TBC1D10A: variants seen among roughly 807,000 people sequenced by gnomAD.
TBC1D10A encodes EBP50-PDX interactor of 64 kDa.
Under a neutral mutation model 52.9 loss-of-function variants are expected in TBC1D10A, and 24 were observed. The observed-to-expected ratio is 0.45, with a 90% CI of 0.33 to 0.64. The LOEUF (loss-of-function observed/expected upper bound fraction) is 0.64, where lower values mean the gene tolerates loss of function less well. Among genes scored for constraint, TBC1D10A ranks in the 30% least tolerant of loss-of-function variants. The pLI is 0.02. For synonymous variants in TBC1D10A, 278 were observed against 282.9 expected (o/e 0.98, Z 0.17); for missense variants, 602 against 687.9 (o/e 0.88, Z 1.40).
chr22:30,301,661 A>G (rs1930203824), intron 2 of TBC1D10A, among the ~76,000 whole-genome samples: 1 of 152,184 alleles, frequency 6.6e-6, no homozygotes, highest in Non-Finnish European at 1.5e-5. Context: ...GGAAGCTCTC[A>G]GAGGAGGGAG....
chr22:30,316,210 G>A (rs1242282585), intron 1 of TBC1D10A, among the ~76,000 whole-genome samples: 1 of 152,236 alleles, frequency 6.6e-6, no homozygotes, highest in Non-Finnish European at 1.5e-5. Context: ...GTCCAGCCTG[G>A]TATGGTAGTT....
intron 1 of TBC1D10A, among the ~76,000 whole-genome samples, chr22:30,307,105 G>A (rs1374724826): frequency 6.6e-6 from 1 of 152,196 alleles, no homozygotes; most frequent in Admixed American, 6.5e-5. Context: ...GCTGTGGGAT[G>A]AAGCTGGGGC....
rs747580563 is a variant in TBC1D10A, at chr22:30,326,916, A to C, written c.-35T>G. ...GCCCGCCGCCTGAGCTCCAGCGGCC[A>C]CCTCAGCCGCCCTGCTGCCGCCGAC... On this transcript the variant is annotated 5_prime_UTR_variant, in exon 1 of 9. Transcript: ENST00000215790. The C allele has an allele frequency of 7.0e-7, 1 of 1,427,912 alleles. No individual in the cohort carries two copies. Among genetic ancestry groups the C allele is most frequent in the South Asian group, 1.4e-5 (1 of 71,326 alleles). 88.5% of individuals were successfully genotyped at this position (1,427,912 alleles called of 1,614,324 possible).
chr22:30,311,825 C>T (rs1171130232), intron 1 of TBC1D10A, among the ~76,000 whole-genome samples: 2 of 152,154 alleles, frequency 1.3e-5, no homozygotes, highest in African/African-American at 2.4e-5. Flanking sequence ...TAGGGTCTTG[C>T]TCTGTCGCCC....
intron 2 of TBC1D10A, 56 bp downstream of exon 2, chr22:30,304,472 TTCC>T (rs1930269233): frequency 1.2e-6 from 2 of 1,610,200 alleles, no homozygotes; most frequent in East Asian, 2.2e-5. Context: ...TTCCTCCCTC[TTCC>T]TCCTCCTCCC....
chr22:30,307,465 C>A (rs1930331989), intron 1 of TBC1D10A, among the ~76,000 whole-genome samples: 1 of 152,192 alleles, frequency 6.6e-6, no homozygotes, highest in Non-Finnish European at 1.5e-5. Flanking sequence ...TTCTTCCCCA[C>A]CTTATGCCAA....
intron 1 of TBC1D10A, among the ~76,000 whole-genome samples, chr22:30,310,609 T>A (rs1418136783): frequency 6.6e-6 from 1 of 152,116 alleles, no homozygotes; most frequent in Non-Finnish European, 1.5e-5. Flanking sequence ...TTGGTAAACA[T>A]GATGTGAGGC....
Position 30,294,219 on chromosome 22 carries a change from C to T in TBC1D10A, c.706-109G>A, listed in dbSNP as rs538708757. On this transcript the variant is annotated intron_variant, in intron 6 of 8. Coordinates refer to ENST00000215790, the MANE Select transcript of TBC1D10A (RefSeq NM_031937.3). ...GCACCCAGCAGGCTCAGGCAGCTAC[C>T]GCCTGCAGGGTGTCTGCCTCTGCCA... 1.7e-5 allele frequency: 21 copies of T among 1,264,188 alleles called. 1 individual carries two copies. Among genetic ancestry groups the T allele is most frequent in the South Asian group, 6.9e-5 (5 of 72,840 alleles). The allele number at this position is 1,264,188 out of a possible 1,614,324, so 78.3% of individuals were successfully genotyped here.
chr22:30,304,471 C>T (rs1350165006), intron 2 of TBC1D10A, 60 bp downstream of exon 2: 20 of 1,609,954 alleles, frequency 1.2e-5, no homozygotes, highest in Non-Finnish European at 1.4e-5. Context: ...GTTCCTCCCT[C>T]TTCCTCCTCC....
In TBC1D10A at chr22:30,320,924, G is replaced by A. The variant is rs138093158; in HGVS notation, c.209+5749C>T. ...CAGATTCTGGCGCTTGTGTGAGGAG[G>A]GAGCACACAGTACCTTCTCTTGCCC... On this transcript the variant is annotated intron_variant, in intron 1 of 8. Transcript: ENST00000215790. 5.9e-5 allele frequency among the ~76,000 whole-genome samples: 9 copies of A among 152,312 alleles called. No homozygotes were observed. In the East Asian group the frequency reaches 1.7e-3, roughly 29 times the overall value.
chr22:30,303,349 A>G (rs576333140), intron 2 of TBC1D10A, among the ~76,000 whole-genome samples: 58 of 152,390 alleles, frequency 3.8e-4, no homozygotes, highest in Non-Finnish European at 7.2e-4. Flanking sequence ...AGATAGATAG[A>G]CAGATAGCTA....
intron 3 of TBC1D10A, chr22:30,296,115 G>A (rs1010819170): frequency 3.0e-5 from 13 of 438,338 alleles, no homozygotes; most frequent in African/African-American, 8.1e-5. Context: ...CTCCAGCTGC[G>A]GCTGGAAGGA....
At chr22:30,308,303 C>T (rs1930355129) in intron 1 of TBC1D10A, among the ~76,000 whole-genome samples, 1 of 139,828 alleles carries the variant, frequency 7.2e-6, no homozygotes, top group Non-Finnish European at 1.6e-5. Context: ...TGCCTGCATG[C>T]CTGCCTGCCT....
intron 1 of TBC1D10A, among the ~76,000 whole-genome samples, chr22:30,324,234 A>T (rs907043387): frequency 6.6e-6 from 1 of 152,210 alleles, no homozygotes; most frequent in Non-Finnish European, 1.5e-5. Flanking sequence ...ATGGACTCCT[A>T]GCCTTCAACC....
chr22:30,321,408 A>G (rs1930649589), intron 1 of TBC1D10A, among the ~76,000 whole-genome samples: 1 of 152,258 alleles, frequency 6.6e-6, no homozygotes, highest in African/African-American at 2.4e-5. Flanking sequence ...TAACTAGAGA[A>G]TAAGGCAAGG....
At chr22:30,322,593 C>CTTTTT (rs34874729) in intron 1 of TBC1D10A, among the ~76,000 whole-genome samples, 1 of 24,908 alleles carries the variant, frequency 4.0e-5, no homozygotes, top group African/African-American at 2.5e-4. Context: ...TCACTTTCAG[C>CTTTTT]TTTTTTTTTT....
At position 30,302,161 on chromosome 22, in the gene TBC1D10A, G is replaced by A. The variant is rs142869019; in HGVS notation, c.309+2370C>T. Among the ~76,000 whole-genome samples, 149 of 152,338 alleles carry A rather than the reference G, an allele frequency of 9.8e-4. 1 individual carries two copies. In the Middle Eastern group the frequency reaches 0.027, roughly 28 times the overall value. On this transcript the variant is annotated intron_variant, in intron 2 of 8. Transcript: ENST00000215790. The stretch of plus-strand genomic sequence containing the variant: ...CCTCAGCATAAAGGTGCTGGAGGGG[G>A]TCATCTCTACCCTGCCTGCCTTAGG...
chr22:30,295,977 G>T, intron 3 of TBC1D10A, 134 bp from the exon 4 acceptor site: 1 of 737,292 alleles, frequency 1.4e-6, no homozygotes, highest in South Asian at 1.8e-5. Flanking sequence ...CACAGACTGG[G>T]CCTTCCCAAG....
chr22:30,322,535 C>CA (rs1930676712), intron 1 of TBC1D10A, among the ~76,000 whole-genome samples: 1 of 147,914 alleles, frequency 6.8e-6, no homozygotes, highest in African/African-American at 2.5e-5. Context: ...CCAGGTTTCT[C>CA]ACAGGCCTCC....
Sources: allele counts gnomAD v4.1 joint callset (sites outside exome capture counted in the v4.1 genomes callset), GRCh38; gene constraint gnomAD v4.1.1; transcripts MANE v1.5; gene names NCBI Gene and HGNC (gene_info 2026-07-23, HGNC 2026-07-21).